PACRG: variants seen among roughly 807,000 people sequenced by gnomAD.
The protein encoded by PACRG is parkin coregulated, also known as parkin coregulated gene protein.
Under a neutral mutation model 29.7 loss-of-function variants are expected in PACRG, and 29 were observed. The observed-to-expected ratio is 0.98, with a 90% CI of 0.73 to 1.33. PACRG has a LOEUF of 1.33. PACRG is among the 40% of genes most tolerant of loss of function. The pLI is 0.00. For synonymous variants in PACRG, 116 were observed against 118.7 expected (o/e 0.98, Z 0.15); for missense variants, 279 against 316.2 (o/e 0.88, Z 0.89).
intron 4 of PACRG, among the ~76,000 whole-genome samples, chr6:163,245,401 A>C: frequency 6.6e-6 from 1 of 152,158 alleles, no homozygotes; most frequent in Non-Finnish European, 1.5e-5. Flanking sequence ...GGGTATTTTT[A>C]ATACTAATCA....
chr6:162,932,117 A>G (rs1797896165), intron 2 of PACRG, among the ~76,000 whole-genome samples: 1 of 152,062 alleles, frequency 6.6e-6, no homozygotes. Flanking sequence ...AACAGCATGG[A>G]TGCATCTAAA....
chr6:163,186,218 G>C (rs1779923501), intron 4 of PACRG, among the ~76,000 whole-genome samples: 1 of 152,134 alleles, frequency 6.6e-6, no homozygotes, highest in Admixed American at 6.5e-5. Context: ...CCCAAGAATG[G>C]AGCCAAGGGG....
intron 2 of PACRG, among the ~76,000 whole-genome samples, chr6:162,958,293 A>G (rs1800223115): frequency 6.6e-6 from 1 of 152,178 alleles, no homozygotes; most frequent in Non-Finnish European, 1.5e-5. Flanking sequence ...CATATTCTAT[A>G]TTAATATTTA....
chr6:163,180,663 G>T (rs979859964), intron 4 of PACRG, among the ~76,000 whole-genome samples: 1 of 151,718 alleles, frequency 6.6e-6, no homozygotes, highest in African/African-American at 2.4e-5. Context: ...GTTTAAGAGG[G>T]GTTTTTTGTA....
At chr6:162,735,030 T>C (rs73601915) in intron 1 of PACRG, among the ~76,000 whole-genome samples, 1 of 152,166 alleles carries the variant, frequency 6.6e-6, no homozygotes, top group Non-Finnish European at 1.5e-5. Context: ...CAACATTCTG[T>C]TTGTGAGATT....
chr6:162,813,125 GTA>G (rs1180321464), intron 1 of PACRG, among the ~76,000 whole-genome samples: 5 of 151,438 alleles, frequency 3.3e-5, no homozygotes, highest in African/African-American at 1.2e-4. Flanking sequence ...TTTATTTATT[GTA>G]TGTTATTTAG....
At chr6:162,814,950 T>G (rs1377602377) in intron 2 of PACRG, among the ~76,000 whole-genome samples, 2 of 152,236 alleles carry the variant, frequency 1.3e-5, no homozygotes, top group African/African-American at 2.4e-5. Context: ...AAAGGCTCAC[T>G]GATGTTATTT....
At chr6:162,787,580 G>A (rs865832388) in intron 1 of PACRG, among the ~76,000 whole-genome samples, 1,149 of 68,956 alleles carry the variant, frequency 0.017, 32 homozygotes, top group African/African-American at 0.057. Context: ...GTGTGTGTGT[G>A]TGTATATATA....
At chr6:162,750,550 C>G (rs1037498844) in intron 1 of PACRG, among the ~76,000 whole-genome samples, 1 of 152,172 alleles carries the variant, frequency 6.6e-6, no homozygotes. Context: ...TATTTTCCAT[C>G]TTCAACTAAT....
At chr6:163,149,585 G>A (rs531173695) in intron 4 of PACRG, among the ~76,000 whole-genome samples, 1 of 151,738 alleles carries the variant, frequency 6.6e-6, no homozygotes, top group South Asian at 2.1e-4. Flanking sequence ...CCGACTCCCC[G>A]ACCCCGCGAG....
At chr6:163,191,209 A>G (rs1232103124) in intron 4 of PACRG, among the ~76,000 whole-genome samples, 1 of 152,202 alleles carries the variant, frequency 6.6e-6, no homozygotes. Context: ...ATTGCAAACA[A>G]TAAATACATA....
chr6:162,876,532 C>A (rs1232505496), intron 2 of PACRG, among the ~76,000 whole-genome samples: 1 of 152,162 alleles, frequency 6.6e-6, no homozygotes. Context: ...CTGTTCATAT[C>A]TTTTGCCCAC....
At chr6:162,953,166 T>G (rs1358765149) in intron 2 of PACRG, among the ~76,000 whole-genome samples, 2 of 152,212 alleles carry the variant, frequency 1.3e-5, no homozygotes, top group Non-Finnish European at 2.9e-5. Context: ...TTTACTCTCC[T>G]TATAACCTAT....
At chr6:163,072,364 T>G (rs1812144160) in intron 3 of PACRG, among the ~76,000 whole-genome samples, 1 of 152,098 alleles carries the variant, frequency 6.6e-6, no homozygotes, top group Non-Finnish European at 1.5e-5. Context: ...AAGCCTATGA[T>G]CCTTTCAATT....
At chr6:163,205,407 G>T (rs1342721662) in intron 4 of PACRG, among the ~76,000 whole-genome samples, 2 of 152,192 alleles carry the variant, frequency 1.3e-5, no homozygotes, top group East Asian at 3.9e-4. Context: ...CAGAAATAAG[G>T]CTGCACACCT....
intron 2 of PACRG, among the ~76,000 whole-genome samples, chr6:162,969,421 C>T (rs570217131): frequency 3.3e-5 from 5 of 152,182 alleles, no homozygotes; most frequent in Admixed American, 1.3e-4. Context: ...CCCATCATCT[C>T]TTGCCTGAAA....
intron 2 of PACRG, among the ~76,000 whole-genome samples, chr6:163,031,445 C>T (rs539897117): frequency 4.6e-5 from 7 of 152,256 alleles, no homozygotes; most frequent in Admixed American, 2.0e-4. Flanking sequence ...GGAATAAGCA[C>T]GGTTAGCCTA....
chr6:162,978,981 G>A (rs1289845368), intron 2 of PACRG, among the ~76,000 whole-genome samples: 1 of 152,144 alleles, frequency 6.6e-6, no homozygotes, highest in Non-Finnish European at 1.5e-5. Context: ...TAGGTTTGCT[G>A]AATCCCTGTT....
chr6:163,017,599 C>A (rs1421002179), intron 2 of PACRG, among the ~76,000 whole-genome samples: 3 of 151,730 alleles, frequency 2.0e-5, no homozygotes, highest in Non-Finnish European at 4.4e-5. Context: ...AAAGTGAATG[C>A]AGAGAAATAG....
Sources: allele counts gnomAD v4.1 joint callset (sites outside exome capture counted in the v4.1 genomes callset), GRCh38; gene constraint gnomAD v4.1.1; transcripts MANE v1.5; gene names NCBI Gene and HGNC (gene_info 2026-07-23, HGNC 2026-07-21).